OAT: variants seen among roughly 807,000 people sequenced by gnomAD.
The protein encoded by OAT is ornithine aminotransferase, mitochondrial.
In OAT, 35 loss-of-function variants were observed where a neutral mutation model predicts 48.4. The observed-to-expected ratio is 0.72, with a 90% confidence interval of 0.55 to 0.96. The LOEUF is 0.96. Ranked by LOEUF, OAT falls within the 40% of genes least tolerant of loss-of-function variation. The pLI is 0.00. For missense variants in OAT, 438 were observed against 537.9 expected (o/e 0.81, Z 1.84); for synonymous variants, 182 against 198.4 (o/e 0.92, Z 0.70).
chr10:124,412,507 C>A (rs529419334), intron 1 of OAT, among the ~76,000 whole-genome samples: 1 of 150,666 alleles, frequency 6.6e-6, no homozygotes, highest in Non-Finnish European at 1.5e-5. Context: ...AAGGCCCAGT[C>A]TCAAGAAAAA....
At chr10:124,418,117 G>T (rs1233477584) in intron 1 of OAT, 1 of 151,818 alleles carries the variant, frequency 6.6e-6, no homozygotes, top group East Asian at 1.9e-4. Flanking sequence ...TTTTCATGCT[G>T]AAAGTCCTGT....
intron 9 of OAT, among the ~76,000 whole-genome samples, chr10:124,399,995 A>T (rs1589695556): frequency 6.6e-6 from 1 of 152,234 alleles, no homozygotes; most frequent in East Asian, 1.9e-4. Context: ...TAAGTGTCTT[A>T]AAGGAACAAG....
chr10:124,398,585 C>A (rs889300380), intron 9 of OAT, among the ~76,000 whole-genome samples: 3 of 148,978 alleles, frequency 2.0e-5, no homozygotes, highest in Admixed American at 6.8e-5. Context: ...CTTCACTTTT[C>A]AGCAAGCACA....
chr10:124,413,619 G>A (rs905470759), intron 1 of OAT, among the ~76,000 whole-genome samples: 2 of 152,292 alleles, frequency 1.3e-5, no homozygotes, highest in East Asian at 1.9e-4. Context: ...GGAGGACGAG[G>A]CTGCAGTGAG....
At chr10:124,405,938 A>G (rs1951563815) in intron 4 of OAT, 1 of 1,142,456 alleles carries the variant, frequency 8.8e-7, no homozygotes, top group Non-Finnish European at 1.1e-6. Flanking sequence ...TATGATAGTG[A>G]TATGAGAAAG....
Position 124,397,864 on chromosome 10 carries a change from C to T in OAT, c.*78G>A. The T allele has an allele frequency of 6.4e-7, 1 of 1,571,632 alleles. No individual in the cohort carries two copies. Among genetic ancestry groups the T allele is most frequent in the South Asian group, 1.1e-5 (1 of 89,864 alleles). ...AAGACTCATGGGAGTGGAATGTGCCCACATTAGGAATAAAGCTTTTACAGG... is the reference window on the plus strand; with the variant it reads ...AAGACTCATGGGAGTGGAATGTGCCTACATTAGGAATAAAGCTTTTACAGG... On this transcript the variant is annotated 3_prime_UTR_variant, in exon 10 of 10. Transcript: ENST00000368845.
chr10:124,401,953 C>T (rs1951424661), intron 7 of OAT, 114 bp from the exon 8 acceptor site: 1 of 767,896 alleles, frequency 1.3e-6, no homozygotes, highest in African/African-American at 1.7e-5. Context: ...GTGATCTCAG[C>T]TCACTGCAAT....
In OAT at chr10:124,397,820, T is replaced by G. The variant is rs750737959; in HGVS notation, c.*122A>C. 13 of 1,122,320 alleles carry G rather than the reference T, an allele frequency of 1.2e-5. No individual in the cohort carries two copies. The highest frequency in any genetic ancestry group is 1.7e-5 in the Non-Finnish European group (13 of 760,658). 69.5% of individuals were successfully genotyped at this position (1,122,320 alleles called of 1,614,324 possible). On this transcript the variant is annotated 3_prime_UTR_variant, in exon 10 of 10. Transcript: ENST00000368845. Reference sequence around the variant, plus strand: ...TTATGTATCAACTGAAAAAAATATATTCAAAAAAAAAGTTTTTGAAGACTC... The same window carrying G: ...TTATGTATCAACTGAAAAAAATATAGTCAAAAAAAAAGTTTTTGAAGACTC...
chr10:124,408,494 T>G, intron 4 of OAT, 48 bp downstream of exon 4: 2 of 1,507,500 alleles, frequency 1.3e-6, no homozygotes, highest in Non-Finnish European at 1.8e-6. Context: ...CCACAGTAAA[T>G]TATATTGTAT....
At position 124,398,125 on chromosome 10, in the gene OAT, A is replaced by G. The variant is rs555068913; in HGVS notation, c.1160-23T>C. ...AATCTAAAGAAAAATAGTAAAACGT[A>G]CATGCTCAAAGATAAACGTTTAAAC... On this transcript the variant is annotated intron_variant, in intron 9 of 9. Coordinates refer to ENST00000368845, the MANE Select transcript of OAT (RefSeq NM_000274.4). The G allele has an allele frequency of 5.1e-5, 83 of 1,613,502 alleles. No individual in the cohort carries two copies. In the South Asian group the frequency reaches 8.7e-4, roughly 17 times the overall value.
At chr10:124,398,170 GGCAAAGT>G in intron 9 of OAT, 68 bp from the exon 10 acceptor site, 1 of 1,553,172 alleles carries the variant, frequency 6.4e-7, no homozygotes, top group Non-Finnish European at 8.9e-7. Context: ...CGTATGTATG[GGCAAAGT>G]GCAGCCTGGC....
intron 4 of OAT, chr10:124,407,310 G>T (rs1951611803): frequency 1.0e-6 from 1 of 985,390 alleles, no homozygotes; most frequent in Non-Finnish European, 1.2e-6. Flanking sequence ...TACAGTTAGG[G>T]ACAGTCTTCC....
chr10:124,398,860 C>A (rs1440801975), intron 9 of OAT, among the ~76,000 whole-genome samples: 2 of 151,536 alleles, frequency 1.3e-5, no homozygotes, highest in Non-Finnish European at 2.9e-5. Flanking sequence ...AATAAAAATA[C>A]AAAAATTAGC....
rs1427092729 is a variant in OAT at position 124,399,335 on chromosome 10, A to ATTT, written c.1160-1234_1160-1233insAAA. On this transcript the variant is annotated intron_variant, in intron 9 of 9. Coordinates refer to ENST00000368845, the MANE Select transcript of OAT (RefSeq NM_000274.4). ...ATTTTTTTAAGAAGCTCCCCAGGTG[A>ATTT]TTCTTTTTTTTTTTTTTTTTTTTTT... Among the ~76,000 whole-genome samples, 29 of 100,364 alleles carry ATTT rather than the reference A, an allele frequency of 2.9e-4. 1 individual carries two copies. Among genetic ancestry groups the ATTT allele is most frequent in the African/African-American group, 6.1e-4 (17 of 27,782 alleles). The allele number at this position is 100,364 out of a possible 152,430, so 65.8% of individuals were successfully genotyped here.
At chr10:124,405,183 G>A (rs1440327822) in intron 5 of OAT, among the ~76,000 whole-genome samples, 1 of 152,144 alleles carries the variant, frequency 6.6e-6, no homozygotes, top group African/African-American at 2.4e-5. Flanking sequence ...TAAGTAAGCA[G>A]GTATACCGAA....
At chr10:124,413,847 G>A (rs576428068) in intron 1 of OAT, among the ~76,000 whole-genome samples, 57 of 152,084 alleles carry the variant, frequency 3.7e-4, no homozygotes, top group Admixed American at 3.7e-3. Flanking sequence ...ATAAGTCAGA[G>A]CCATAGCTAC....
In OAT at chr10:124,401,885, T is replaced by C. The variant is rs1951422210; in HGVS notation, c.901-46A>G. ...CATGTCATTTCTCAGCACTAAGCAT[T>C]CTACTAAGCATCCTTTTCCCCAGAG... On this transcript the variant is annotated intron_variant, in intron 7 of 9. Transcript: ENST00000368845. 4 of 1,395,592 alleles carry C rather than the reference T, an allele frequency of 2.9e-6. No homozygotes were observed. The South Asian group carries it at 4.7e-5, about 16-fold the overall frequency. 86.5% of individuals were successfully genotyped at this position (1,395,592 alleles called of 1,614,324 possible).
chr10:124,409,532 C>T (rs1253641064), intron 2 of OAT, among the ~76,000 whole-genome samples: 1 of 149,370 alleles, frequency 6.7e-6, no homozygotes, highest in African/African-American at 2.5e-5. Context: ...GCCTGGGCAC[C>T]AGAGCAAAAT....
At chr10:124,415,912 T>A (rs571631187) in intron 1 of OAT, among the ~76,000 whole-genome samples, 1 of 152,190 alleles carries the variant, frequency 6.6e-6, no homozygotes, top group African/African-American at 2.4e-5. Context: ...AACAGTGCCA[T>A]GATTTATTTT....
Sources: allele counts gnomAD v4.1 joint callset (sites outside exome capture counted in the v4.1 genomes callset), GRCh38; gene constraint gnomAD v4.1.1; transcripts MANE v1.5; gene names NCBI Gene and HGNC (gene_info 2026-07-23, HGNC 2026-07-21).